Variants in IDI1 observed in about 807,000 individuals in gnomAD.
IDI1 encodes the protein isopentenyl-diphosphate delta isomerase 1.
In IDI1, 23 loss-of-function variants were observed where a neutral mutation model predicts 32.9. That is an observed-to-expected ratio of 0.70 (90% CI 0.50 to 0.99). IDI1 has a LOEUF of 0.99. IDI1 is among the 50% of genes least tolerant of loss of function. IDI1 has a pLI of 0.00. For missense variants in IDI1, 326 were observed against 351.9 expected (o/e 0.93, Z 0.59); for synonymous variants, 133 against 128.2 (o/e 1.04, Z -0.25).
intron 2 of IDI1, 154 bp downstream of exon 2, chr10:1,043,845 C>G (rs1012285185): frequency 1.5e-6 from 1 of 677,226 alleles, no homozygotes; most frequent in African/African-American, 1.8e-5. Flanking sequence ...GACAGCAAAG[C>G]AGATGCTAAT....
upstream of IDI1, among the ~76,000 whole-genome samples, chr10:1,051,592 A>G (rs1833015326): frequency 6.6e-6 from 1 of 152,228 alleles, no homozygotes; most frequent in African/African-American, 2.4e-5. Flanking sequence ...CATGTAGCAG[A>G]AGTGCTTTAT....
chr10:1,050,206 A>T (rs1832963423), upstream of IDI1, among the ~76,000 whole-genome samples: 1 of 152,224 alleles, frequency 6.6e-6, no homozygotes, highest in African/African-American at 2.4e-5. Context: ...ATATTCACTT[A>T]AAAAACACAC....
chr10:1,039,382 G>GC (rs1348315302), downstream of IDI1: 10 of 152,308 alleles, frequency 6.6e-5, no homozygotes, highest in African/African-American at 2.4e-4. Context: ...TTATTAGAAG[G>GC]CCACCTCTAC....
At chr10:1,044,284 C>T (rs1205648710) in intron 1 of IDI1, 113 bp from the exon 2 acceptor site, 2 of 735,038 alleles carry the variant, frequency 2.7e-6, no homozygotes, top group African/African-American at 1.8e-5. Context: ...CACTCTGCAT[C>T]CCCACAGGGA....
chr10:1,052,013 T>C (rs539223248), upstream of IDI1, among the ~76,000 whole-genome samples: 63 of 152,312 alleles, frequency 4.1e-4, no homozygotes, highest in African/African-American at 1.5e-3. Context: ...GCTGGCACTA[T>C]GGGCGTGTGC....
chr10:1,048,559 C>T (rs1589056519), intron 1 of IDI1: 1 of 1,333,112 alleles, frequency 7.5e-7, no homozygotes, highest in South Asian at 1.5e-5. Context: ...TCCAGTTCCA[C>T]GAGTTCCTAA....
upstream of IDI1, among the ~76,000 whole-genome samples, chr10:1,050,854 G>C (rs1006629557): frequency 1.3e-5 from 2 of 152,242 alleles, no homozygotes; most frequent in Non-Finnish European, 2.9e-5. Flanking sequence ...GCCCCTGGCT[G>C]GGAGTCTTTT....
intron 1 of IDI1, chr10:1,048,634 G>A (rs1589056630): frequency 7.1e-7 from 1 of 1,407,242 alleles, no homozygotes; most frequent in South Asian, 1.5e-5. Context: ...CGTCTCTGAC[G>A]CCCCGACTCA....
At chr10:1,044,256 C>G in intron 1 of IDI1, 85 bp from the exon 2 acceptor site, 1 of 1,015,036 alleles carries the variant, frequency 9.9e-7, no homozygotes, top group Non-Finnish European at 1.5e-6. Context: ...GATGCTGCTT[C>G]CCCATCTGCA....
rs886321728 is a variant in IDI1, at chr10:1,049,053, G to C, written c.-50C>G. 14 of 1,447,372 alleles carry C rather than the reference G, an allele frequency of 9.7e-6. No homozygotes were observed. Among genetic ancestry groups the C allele is most frequent in the Non-Finnish European group, 1.3e-5 (14 of 1,108,654 alleles). 89.7% of individuals were successfully genotyped at this position (1,447,372 alleles called of 1,614,324 possible). On this transcript the variant is annotated 5_prime_UTR_variant, in exon 1 of 5. Coordinates refer to ENST00000381344, the MANE Select transcript of IDI1 (RefSeq NM_004508.4). ...GCGCTTGACGACACAATCTCGCCAA[G>C]CTTCGCCTGGTGGTGCCACCTCCCT...
intron 3 of IDI1, 50 bp from the exon 4 acceptor site, chr10:1,042,812 T>G: frequency 6.4e-7 from 1 of 1,552,478 alleles, no homozygotes; most frequent in Non-Finnish European, 8.8e-7. Context: ...AAAGTAGGTC[T>G]GAAAGATCAA....
At chr10:1,044,263 T>G (rs1221586092) in intron 1 of IDI1, 92 bp from the exon 2 acceptor site, 1 of 953,630 alleles carries the variant, frequency 1.0e-6, no homozygotes, top group African/African-American at 1.6e-5. Context: ...CTTCCCCATC[T>G]GCAGTTGTAC....
rs1420060697 is a variant in IDI1, at chr10:1,040,123, C to G, written c.*1064G>C. The G allele has an allele frequency of 4.6e-5, 7 of 152,118 alleles. No homozygotes were observed. 9.4% of individuals were successfully genotyped at this position (152,118 alleles called of 1,614,324 possible). On this transcript the variant is annotated 3_prime_UTR_variant, in exon 5 of 5. Coordinates refer to ENST00000381344, the MANE Select transcript of IDI1 (RefSeq NM_004508.4). ...GGTTTCAAATCTGAGATATCTATGG[C>G]AAGTTTATAAAAAGTACATTGATCA...
At chr10:1,052,270 A>G (rs1833034143), upstream of IDI1, among the ~76,000 whole-genome samples, 1 of 152,242 alleles carries the variant, frequency 6.6e-6, no homozygotes, top group Non-Finnish European at 1.5e-5. Context: ...TCATTTCAAC[A>G]GTGTTCACAT....
Position 1,040,746 on chromosome 10 carries a change from T to G in IDI1, c.*441A>C, listed in dbSNP as rs1187541534. On this transcript the variant is annotated 3_prime_UTR_variant, in exon 5 of 5. Coordinates refer to ENST00000381344, the MANE Select transcript of IDI1 (RefSeq NM_004508.4). ...GTTTTGAAGGAGCGAGACAATAGTT[T>G]CCTTTGCACATTTTTCTGAACTATG... 1 of 157,190 alleles carries G rather than the reference T, an allele frequency of 6.4e-6. No homozygotes were observed. Among genetic ancestry groups the G allele is most frequent in the Non-Finnish European group, 1.4e-5 (1 of 71,108 alleles). 9.7% of individuals were successfully genotyped at this position (157,190 alleles called of 1,614,324 possible). A position where few individuals can be genotyped will look rare whatever the true frequency, so the allele number is the denominator to read the frequency against.
At chr10:1,045,287 G>C (rs1832767492) in intron 1 of IDI1, among the ~76,000 whole-genome samples, 1 of 152,168 alleles carries the variant, frequency 6.6e-6, no homozygotes, top group African/African-American at 2.4e-5. Context: ...TCTAATCTTT[G>C]TATCCTTCAG....
upstream of IDI1, among the ~76,000 whole-genome samples, chr10:1,052,417 A>G (rs575329163): frequency 6.6e-6 from 1 of 152,326 alleles, no homozygotes; most frequent in African/African-American, 2.4e-5. Flanking sequence ...GCCTTACAAA[A>G]TGTATTTCTT....
In IDI1 at chr10:1,042,719, T is replaced by C; in HGVS notation, c.450A>G (p.Pro150=). Residue 150 remains proline (P), a synonymous_variant, in exon 4 of 5, where the codon CCA becomes CCG. Coordinates refer to ENST00000381344, the MANE Select transcript of IDI1 (RefSeq NM_004508.4). ...GGGCGTCACTTTCCTCAAGCTCGGC[T>C]GGATTGCTTAATGGATGACTACAAC... ...NTCCSHPLSN[P]AELEESDALG... 6.2e-7 allele frequency: 1 copy of C among 1,614,060 alleles called. No individual in the cohort carries two copies. Among genetic ancestry groups the C allele is most frequent in the Non-Finnish European group, 8.5e-7 (1 of 1,179,930 alleles).
chr10:1,053,511 A>G (rs1475387074), upstream of IDI1, among the ~76,000 whole-genome samples: 1 of 152,228 alleles, frequency 6.6e-6, no homozygotes, highest in African/African-American at 2.4e-5. Context: ...TCTCCATATC[A>G]GCAATAAAGC....
Sources: gnomAD v4.1 joint callset for allele counts (sites outside exome capture counted in the v4.1 genomes callset) on GRCh38, gnomAD v4.1.1 for gene constraint, MANE v1.5 for transcripts, NCBI Gene and HGNC (gene_info 2026-07-23, HGNC 2026-07-21) for gene names.